WDR19: variants seen among roughly 807,000 people sequenced by gnomAD.
The protein encoded by WDR19 is WD repeat-containing protein 19.
A neutral mutation model predicts 180.0 loss-of-function variants in WDR19; 121 were observed. The observed-to-expected ratio is 0.67, with a 90% CI of 0.58 to 0.78. WDR19 has a LOEUF of 0.78. Ranked by LOEUF, WDR19 falls within the 30% of genes least tolerant of loss-of-function variation. The probability of loss-of-function intolerance (pLI) is 0.00; values close to 1 mark genes in which losing one functional copy is unlikely to be tolerated. For synonymous variants in WDR19, 497 were observed against 540.7 expected (o/e 0.92, Z 1.12); for missense variants, 1,450 against 1,640.7 (o/e 0.88, Z 2.01).
At chr4:39,205,396 G>T in intron 8 of WDR19, 130 bp downstream of exon 8, 2 of 1,181,186 alleles carry the variant, frequency 1.7e-6, no homozygotes, top group Non-Finnish European at 2.4e-6. Flanking sequence ...CTGATTCATG[G>T]TCTGTGATTT....
intron 5 of WDR19, among the ~76,000 whole-genome samples, chr4:39,196,873 T>A (rs758967364): frequency 1.3e-5 from 2 of 152,234 alleles, no homozygotes; most frequent in African/African-American, 4.8e-5. Context: ...TCTAACACAC[T>A]AGGCAAACTC....
intron 12 of WDR19, 108 bp downstream of exon 12, chr4:39,216,318 C>A (rs1417194537): frequency 2.3e-6 from 2 of 869,036 alleles, no homozygotes; most frequent in Non-Finnish European, 3.5e-6. Flanking sequence ...CTTTTTTATT[C>A]ACATATCTCA....
At chr4:39,235,563 A>G (rs1731292333) in intron 20 of WDR19, among the ~76,000 whole-genome samples, 1 of 152,198 alleles carries the variant, frequency 6.6e-6, no homozygotes, top group Admixed American at 6.5e-5. Flanking sequence ...AACCATAGTG[A>G]AAAACACCAA....
chr4:39,215,943 A>T lies in WDR19; in HGVS notation c.1064A>T (p.Asp355Val), dbSNP rs192495145. ...CTGACCAAGCTTCCCATACTTGGGG[A>T]TGCCTGCAGCACAAGGATTGCCTAT... Reference protein sequence around the residue: ...VFLTKLPILGDACSTRIAYLT... With the variant: ...VFLTKLPILGVACSTRIAYLT... Residue 355 changes from aspartate to valine, a missense_variant, in exon 11 of 37, where the codon GAT becomes GTT. Physicochemically the swap from Asp to Val is radical, Grantham distance 152 (BLOSUM62 -3). Coordinates refer to ENST00000399820, the MANE Select transcript of WDR19 (RefSeq NM_025132.4). 183 of 1,613,668 alleles carry T rather than the reference A, an allele frequency of 1.1e-4. No individual in the cohort carries two copies. The highest frequency in any genetic ancestry group is 3.3e-4 in the Middle Eastern group (2 of 6,060).
chr4:39,215,188 A>G (rs532390467), intron 10 of WDR19, among the ~76,000 whole-genome samples: 2 of 152,338 alleles, frequency 1.3e-5, no homozygotes, highest in East Asian at 3.9e-4. Context: ...CCAGAGATTT[A>G]TAGTGAATTT....
chr4:39,224,805 G>T (rs1046641207), intron 14 of WDR19, 79 bp from the exon 15 acceptor site: 7 of 1,250,340 alleles, frequency 5.6e-6, no homozygotes, highest in Admixed American at 3.0e-5. Flanking sequence ...TAGAACATAT[G>T]TTTAATTTAA....
intron 36 of WDR19, among the ~76,000 whole-genome samples, chr4:39,281,234 TATAGAG>T (rs1389852499): frequency 3.7e-4 from 40 of 108,376 alleles, no homozygotes; most frequent in African/African-American, 6.7e-4. Flanking sequence ...TATATATATA[TATAGAG>T]AGAGAGAGAG....
At chr4:39,186,169 T>C (rs1031528010) in intron 2 of WDR19, among the ~76,000 whole-genome samples, 2 of 152,158 alleles carry the variant, frequency 1.3e-5, no homozygotes, top group African/African-American at 4.8e-5. Context: ...GGCAGCTTTA[T>C]ATACATAGAT....
intron 31 of WDR19, among the ~76,000 whole-genome samples, chr4:39,270,414 TACC>T (rs758815319): frequency 1.2e-4 from 18 of 152,190 alleles, no homozygotes; most frequent in Admixed American, 2.0e-4. Context: ...TCTTGCTCTT[TACC>T]CAGGCTGGAG....
intron 26 of WDR19, among the ~76,000 whole-genome samples, chr4:39,254,290 A>G (rs887955228): frequency 3.3e-5 from 5 of 152,196 alleles, no homozygotes; most frequent in African/African-American, 1.2e-4. Flanking sequence ...GAGAGGCTAG[A>G]TTTCCCAAAT....
At chr4:39,188,519 T>G (rs1317706718) in intron 3 of WDR19, among the ~76,000 whole-genome samples, 1 of 150,422 alleles carries the variant, frequency 6.6e-6, no homozygotes, top group Non-Finnish European at 1.5e-5. Flanking sequence ...TTCGAGGTTA[T>G]AGTGAACTAT....
intron 4 of WDR19, among the ~76,000 whole-genome samples, chr4:39,194,260 TAATA>T (rs1470952890): frequency 6.6e-6 from 1 of 152,226 alleles, no homozygotes; most frequent in Non-Finnish European, 1.5e-5. Flanking sequence ...ATAGACAAAT[TAATA>T]AATATCTCAT....
intron 4 of WDR19, among the ~76,000 whole-genome samples, chr4:39,193,735 G>A (rs1372179398): frequency 2.0e-5 from 3 of 152,196 alleles, no homozygotes; most frequent in South Asian, 2.1e-4. Flanking sequence ...ACCATGGTCT[G>A]TCAGCGGTGC....
intron 31 of WDR19, among the ~76,000 whole-genome samples, chr4:39,270,705 T>C (rs1427046920): frequency 6.6e-6 from 1 of 152,124 alleles, no homozygotes. Flanking sequence ...TTTTGAAACA[T>C]GTAAATGTAT....
chr4:39,231,621 G>GT (rs1730870496), intron 17 of WDR19, among the ~76,000 whole-genome samples, 176 bp from the exon 18 acceptor site: 2 of 152,124 alleles, frequency 1.3e-5, no homozygotes, highest in South Asian at 4.1e-4. Context: ...ACATTTATCT[G>GT]TAAAAAAAGG....
intron 36 of WDR19, 28 bp downstream of exon 36, chr4:39,278,691 C>CT: frequency 2.0e-6 from 3 of 1,467,550 alleles, no homozygotes; most frequent in Non-Finnish European, 2.8e-6. Flanking sequence ...CACGCACCTT[C>CT]TGGGCGCAAG....
chr4:39,183,250 C>CT lies in WDR19; in HGVS notation c.6+707dup, dbSNP rs113490249. Among the ~76,000 whole-genome samples, 778 of 79,222 alleles carry CT rather than the reference C, an allele frequency of 9.8e-3. 67 individuals carry two copies. Among genetic ancestry groups the CT allele is most frequent in the African/African-American group, 0.031 (621 of 20,056 alleles). The allele number at this position is 79,222 out of a possible 152,430, so 52.0% of individuals were successfully genotyped here. A position where few individuals can be genotyped will look rare whatever the true frequency, so the allele number is the denominator to read the frequency against. On this transcript the variant is annotated intron_variant, in intron 1 of 36. Coordinates refer to ENST00000399820, the MANE Select transcript of WDR19 (RefSeq NM_025132.4). ...TCTGCTCTGGCAAAGAAATGGAAGG[C>CT]TTTTTTTTTTTTTTTTTTTTACTGA...
At chr4:39,183,504 C>G (rs1354961835) in intron 1 of WDR19, among the ~76,000 whole-genome samples, 1 of 152,100 alleles carries the variant, frequency 6.6e-6, no homozygotes, top group African/African-American at 2.4e-5. Flanking sequence ...CGACCTCGGG[C>G]TCCCAAAGTG....
chr4:39,215,065 G>A (rs1728926282), intron 10 of WDR19, among the ~76,000 whole-genome samples: 1 of 152,156 alleles, frequency 6.6e-6, no homozygotes, highest in Admixed American at 6.5e-5. Context: ...GAGCCACTGT[G>A]CCTGGCCAGA....
Sources: allele counts gnomAD v4.1 joint callset (sites outside exome capture counted in the v4.1 genomes callset), GRCh38; gene constraint gnomAD v4.1.1; transcripts MANE v1.5; gene names NCBI Gene and HGNC (gene_info 2026-07-23, HGNC 2026-07-21).